MAST4: variants seen among roughly 807,000 people sequenced by gnomAD.
MAST4 encodes microtubule associated serine/threonine kinase family member 4.
Under a neutral mutation model 162.7 loss-of-function variants are expected in MAST4, and 89 were observed. The ratio of observed to expected loss-of-function variants is 0.55; its 90% confidence interval spans 0.46 to 0.65. MAST4 has a LOEUF of 0.65. Ranked by LOEUF, MAST4 falls within the 30% of genes least tolerant of loss-of-function variation. MAST4 has a pLI of 0.00. For synonymous variants in MAST4, 1,479 were observed against 1,361.1 expected (o/e 1.09, Z -1.91); for missense variants, 3,153 against 3,374.0 (o/e 0.93, Z 1.62).
intron 2 of MAST4, among the ~76,000 whole-genome samples, chr5:66,765,373 C>T (rs907367347): frequency 6.6e-6 from 1 of 152,106 alleles, no homozygotes; most frequent in African/African-American, 2.4e-5. Context: ...TATGCATATC[C>T]TCCTGTAAGC....
intron 4 of MAST4, among the ~76,000 whole-genome samples, chr5:66,936,947 C>T (rs903786899): frequency 7.9e-5 from 12 of 152,164 alleles, no homozygotes; most frequent in African/African-American, 2.9e-4. Flanking sequence ...CCTGGATGCC[C>T]TCTCTCCTCC....
intron 5 of MAST4, among the ~76,000 whole-genome samples, chr5:67,080,374 G>A (rs911421997): frequency 2.0e-5 from 3 of 151,894 alleles, no homozygotes; most frequent in East Asian, 1.9e-4. Flanking sequence ...ATCTCAGTTC[G>A]TCCCAGAATA....
In MAST4 at chr5:66,596,964, T is replaced by A; in HGVS notation, c.309T>A (p.Ala103=). 1 of 1,439,938 alleles carries A rather than the reference T, an allele frequency of 6.9e-7. No individual in the cohort carries two copies. Among genetic ancestry groups the A allele is most frequent in the Non-Finnish European group, 9.1e-7 (1 of 1,100,710 alleles). The allele number at this position is 1,439,938 out of a possible 1,614,324, so 89.2% of individuals were successfully genotyped here. Residue 103 remains alanine, a synonymous_variant, in exon 1 of 29, where the codon GCT becomes GCA. Transcript: ENST00000403625. ...LALPPPLPGG[A]VPPAPRGSSA... is the part of the protein sequence containing the mutation. ...TGCCGCCGCCGCTTCCCGGAGGAGC[T>A]GTGCCGCCCGCGCCCCGGGGCAGCA...
chr5:67,046,771 C>T (rs1757422041), intron 4 of MAST4, among the ~76,000 whole-genome samples: 1 of 152,132 alleles, frequency 6.6e-6, no homozygotes, highest in African/African-American at 2.4e-5. Flanking sequence ...AAGCTTATCC[C>T]TTTCTCTAGC....
chr5:67,113,792 GC>G lies in MAST4; in HGVS notation c.1459-293del, dbSNP rs1766550368. 7.9e-5 allele frequency among the ~76,000 whole-genome samples: 12 copies of G among 152,284 alleles called. No individual in the cohort carries two copies. In the South Asian group the frequency reaches 2.5e-3, roughly 32 times the overall value. On this transcript the variant is annotated intron_variant, in intron 11 of 28. Transcript: ENST00000403625. The stretch of plus-strand genomic sequence containing the variant: ...CAATTAAAAATCAGATCTGTTCATT[GC>G]CGACGAGCGAGATCTTAAGTGGAGC...
At chr5:67,011,636 A>G (rs1232313790) in intron 4 of MAST4, among the ~76,000 whole-genome samples, 1 of 152,216 alleles carries the variant, frequency 6.6e-6, no homozygotes, top group Non-Finnish European at 1.5e-5. Context: ...CAGAGCTTCC[A>G]GCAGCTGAGT....
intron 14 of MAST4, among the ~76,000 whole-genome samples, chr5:67,123,640 A>C (rs1057247675): frequency 6.6e-6 from 1 of 152,232 alleles, no homozygotes; most frequent in African/African-American, 2.4e-5. Flanking sequence ...AGCCATCCTA[A>C]TTGGAGTTGT....
chr5:66,597,893 C>T (rs1742305167), intron 1 of MAST4, among the ~76,000 whole-genome samples: 1 of 148,030 alleles, frequency 6.8e-6, no homozygotes, highest in Non-Finnish European at 1.5e-5. Context: ...GAGCCAGACT[C>T]AGTTTAAAAA....
At chr5:66,804,233 C>A (rs1224713023) in intron 3 of MAST4, among the ~76,000 whole-genome samples, 1 of 152,046 alleles carries the variant, frequency 6.6e-6, no homozygotes, top group Non-Finnish European at 1.5e-5. Context: ...GGTAGCTGAA[C>A]GAAGTAGGAA....
At chr5:66,599,386 C>A (rs562162396) in intron 1 of MAST4, among the ~76,000 whole-genome samples, 2 of 152,110 alleles carry the variant, frequency 1.3e-5, no homozygotes, top group Non-Finnish European at 2.9e-5. Flanking sequence ...AGTGGAAAGA[C>A]GTGGGTTTGA....
intron 2 of MAST4, among the ~76,000 whole-genome samples, chr5:66,775,350 G>A (rs145701557): frequency 3.3e-5 from 5 of 152,086 alleles, no homozygotes; most frequent in Non-Finnish European, 7.3e-5. Flanking sequence ...TTTGCTAAAA[G>A]GGAATGCTAA....
chr5:66,692,777 C>G (rs12516479), intron 1 of MAST4, among the ~76,000 whole-genome samples: 26,136 of 151,916 alleles, frequency 0.17, 2,619 homozygotes, highest in East Asian at 0.31. Flanking sequence ...TTGCTATGTC[C>G]TCACTTGGTG....
At chr5:66,949,352 T>A (rs1240317112) in intron 4 of MAST4, among the ~76,000 whole-genome samples, 1 of 152,188 alleles carries the variant, frequency 6.6e-6, no homozygotes, top group Non-Finnish European at 1.5e-5. Context: ...GATAATTGCA[T>A]CATGGTGGTT....
At chr5:66,612,333 C>G (rs899426869) in intron 1 of MAST4, among the ~76,000 whole-genome samples, 1 of 152,144 alleles carries the variant, frequency 6.6e-6, no homozygotes, top group Non-Finnish European at 1.5e-5. Context: ...ATTATCTTTG[C>G]ACTGCTTCAC....
Position 67,167,052 on chromosome 5 carries a change from C to T in MAST4, c.*1C>T, listed in dbSNP as rs761224656. On this transcript the variant is annotated 3_prime_UTR_variant, in exon 29 of 29. Transcript: ENST00000403625. ...CAGCCCTCACAAAAAGGCCTTGTAACGGGGAGGGCCCAGGGGCAGGACTGT... is the reference window on the plus strand; with the variant it reads ...CAGCCCTCACAAAAAGGCCTTGTAATGGGGAGGGCCCAGGGGCAGGACTGT... The T allele has an allele frequency of 1.4e-5, 22 of 1,574,244 alleles. 2 individuals carry two copies. The South Asian group carries it at 1.5e-4, about 11-fold the overall frequency.
chr5:66,982,083 A>G (rs1318764285), intron 4 of MAST4, among the ~76,000 whole-genome samples: 1 of 152,220 alleles, frequency 6.6e-6, no homozygotes, highest in Non-Finnish European at 1.5e-5. Flanking sequence ...TGAGGAAATC[A>G]GGATTTACAG....
intron 4 of MAST4, among the ~76,000 whole-genome samples, chr5:66,974,555 C>T (rs545178623): frequency 6.6e-6 from 1 of 152,326 alleles, no homozygotes; most frequent in South Asian, 2.1e-4. Context: ...TTACAAATGA[C>T]ACTCACTGCA....
intron 4 of MAST4, among the ~76,000 whole-genome samples, chr5:66,998,501 G>C (rs1750919359): frequency 6.6e-6 from 1 of 152,196 alleles, no homozygotes; most frequent in Non-Finnish European, 1.5e-5. Context: ...TAATGGAATG[G>C]ACTCATGGAC....
intron 3 of MAST4, among the ~76,000 whole-genome samples, chr5:66,889,317 C>T (rs1260420489): frequency 3.9e-5 from 6 of 152,012 alleles, no homozygotes; most frequent in East Asian, 1.9e-4. Context: ...AGGGCTGATA[C>T]GCATATTTAT....
Sources: allele counts gnomAD v4.1 joint callset (sites outside exome capture counted in the v4.1 genomes callset), GRCh38; gene constraint gnomAD v4.1.1; transcripts MANE v1.5; gene names NCBI Gene and HGNC (gene_info 2026-07-23, HGNC 2026-07-21).